The following CFAP47 variants were observed in gnomAD, a reference collection of about 807,000 sequenced individuals.
CFAP47 encodes cilia- and flagella-associated protein 47.
In CFAP47, 29 loss-of-function variants were observed where a neutral mutation model predicts 148.1. That is an observed-to-expected ratio of 0.20 (90% CI 0.15 to 0.27). The LOEUF is 0.27. CFAP47 is among the 10% of genes least tolerant of loss of function. CFAP47 has a pLI of 1.00. For missense variants in CFAP47, 1,872 were observed against 1,697.5 expected (o/e 1.10, Z -1.81); for synonymous variants, 664 against 577.3 (o/e 1.15, Z -2.15).
chrX:36,276,620 T>A (rs992619260), intron 49 of CFAP47, among the ~76,000 whole-genome samples: 7 of 112,014 alleles, frequency 6.2e-5, no homozygotes, highest in African/African-American at 2.3e-4. Context: ...GTGTCAGGTA[T>A]GTTTTGAGTC....
Position 36,071,832 on chromosome X carries a change from T to C in CFAP47, c.4326T>C (p.Asp1442=), listed in dbSNP as rs1189238488. 3 of 1,202,870 alleles carry C rather than the reference T, an allele frequency of 2.5e-6. No individual in the cohort carries two copies. Among genetic ancestry groups the C allele is most frequent in the Non-Finnish European group, 3.4e-6 (3 of 892,277 alleles). The change falls in exon 28 of 64, where the codon GAT becomes GAC. Residue 1442 remains aspartate (D), a synonymous_variant. Coordinates refer to ENST00000378653, the MANE Select transcript of CFAP47 (RefSeq NM_001304548.2). ...CCAATGTGTCATTTGTAGATAAGGATGAATATCTTAAGAAGACTAGAGATG... is the reference window on the plus strand; with the variant it reads ...CCAATGTGTCATTTGTAGATAAGGACGAATATCTTAAGAAGACTAGAGATG... ...KQNIILKNDK[D]EYLKKTRDGV...
chrX:36,230,715 G>A (rs1206729190), intron 46 of CFAP47, among the ~76,000 whole-genome samples: 2 of 109,015 alleles, frequency 1.8e-5, no homozygotes, highest in Admixed American at 9.9e-5. Context: ...TAATGCCTAG[G>A]TTTTCTTCTA....
At chrX:36,093,732 T>C (rs770054357) in intron 30 of CFAP47, among the ~76,000 whole-genome samples, 1 of 111,684 alleles carries the variant, frequency 9.0e-6, no homozygotes, top group Admixed American at 9.5e-5. Context: ...CATTTTAAAA[T>C]TGGATTTTTA....
Position 35,966,552 on chromosome X carries a change from C to CTT in CFAP47, c.1411-4_1411-3dup. 8.3e-6 allele frequency: 7 copies of CTT among 840,149 alleles called. No homozygotes were observed. The highest frequency in any genetic ancestry group is 4.5e-5 in the South Asian group (1 of 22,273). The allele number at this position is 840,149 out of a possible 1,213,427, so 69.2% of individuals were successfully genotyped here. ...CAATTTATTATTGGTTACTTTTCATCTTTTTTTTTTAGGATGTGATGTGTT... is the reference window on the plus strand; with the variant it reads ...CAATTTATTATTGGTTACTTTTCATCTTTTTTTTTTTTAGGATGTGATGTGTT... On this transcript the variant is annotated splice_polypyrimidine_tract_variant and intron_variant, in intron 8 of 63. Coordinates refer to ENST00000378653, the MANE Select transcript of CFAP47 (RefSeq NM_001304548.2).
intron 39 of CFAP47, among the ~76,000 whole-genome samples, chrX:36,163,103 G>A (rs759466580): frequency 3.6e-5 from 4 of 111,834 alleles, no homozygotes; most frequent in Non-Finnish European, 7.5e-5. Context: ...CAGATTTTCT[G>A]TTTCTTCTCA....
At chrX:36,231,921 A>C (rs782119536) in intron 46 of CFAP47, among the ~76,000 whole-genome samples, 1 of 111,049 alleles carries the variant, frequency 9.0e-6, no homozygotes, top group Admixed American at 9.6e-5. Context: ...ACATTTATTG[A>C]TTTGCGTATA....
At chrX:36,024,028 C>T (rs1937189168) in intron 22 of CFAP47, among the ~76,000 whole-genome samples, 2 of 112,110 alleles carry the variant, frequency 1.8e-5, no homozygotes, top group South Asian at 7.4e-4. Context: ...ACCCTATAGC[C>T]ACCACAGCTC....
intron 33 of CFAP47, among the ~76,000 whole-genome samples, chrX:36,115,302 C>CA (rs756818675): frequency 8.9e-6 from 1 of 111,775 alleles, no homozygotes; most frequent in South Asian, 3.7e-4. Flanking sequence ...ATCATAATCA[C>CA]AAAAATATTG....
Position 36,136,858 on chromosome X carries a change from T to G in CFAP47, c.5321-1100T>G, listed in dbSNP as rs373001483. Among the ~76,000 whole-genome samples, 16 of 111,944 alleles carry G rather than the reference T, an allele frequency of 1.4e-4. No individual in the cohort carries two copies. The East Asian group carries it at 3.7e-3, about 26-fold the overall frequency. On this transcript the variant is annotated intron_variant, in intron 33 of 63. Transcript: ENST00000378653. ...TATCAAAAATGTTATTTATAAGTTT[T>G]GATCAGGAAATAATACTTTGAAAAA...
intron 29 of CFAP47, among the ~76,000 whole-genome samples, chrX:36,075,201 TTTTATTTATTTATTTATTTA>T (rs34532797): frequency 9.4e-6 from 1 of 106,632 alleles, no homozygotes; most frequent in Non-Finnish European, 1.9e-5. Context: ...TATGTATTAT[TTTTATTTATTTATTTATTTA>T]TTTATTTATT....
rs139722562 is a variant in CFAP47 at position 36,217,478 on chromosome X, G to A, written c.6818-11150G>A. On this transcript the variant is annotated intron_variant, in intron 45 of 63. Coordinates refer to ENST00000378653, the MANE Select transcript of CFAP47 (RefSeq NM_001304548.2). ...ATGCGACTCCCCTTATTTTAAGCTT[G>A]CTTCTTACTTTAGATAACCCCAGTG... 2.0e-3 allele frequency among the ~76,000 whole-genome samples: 224 copies of A among 111,426 alleles called. 1 individual carries two copies. The highest frequency in any genetic ancestry group is 6.9e-3 in the African/African-American group (210 of 30,630).
chrX:35,924,407 A>G (rs1043527526), intron 1 of CFAP47, among the ~76,000 whole-genome samples: 3 of 101,761 alleles, frequency 2.9e-5, no homozygotes, highest in Admixed American at 1.0e-4. Flanking sequence ...ATGCACACAC[A>G]TATGTGTATA....
intron 26 of CFAP47, among the ~76,000 whole-genome samples, chrX:36,064,982 A>G (rs1937624364): frequency 1.8e-5 from 2 of 111,880 alleles, no homozygotes; most frequent in Non-Finnish European, 3.8e-5. Flanking sequence ...TTCAGTCCTC[A>G]GACACATTTA....
rs1269158187 is a variant in CFAP47, at chrX:35,926,072, C to T, written c.305C>T (p.Thr102Ile). Residue 102 changes from threonine (T) to isoleucine (I), a missense_variant, in exon 2 of 64, where the codon ACA becomes ATA. Physicochemically the swap from Thr to Ile is moderately conservative, Grantham distance 89. Coordinates refer to ENST00000378653, the MANE Select transcript of CFAP47 (RefSeq NM_001304548.2). ...DKELASGLQM[T>I]AMVEYHPDKD... is the part of the protein sequence containing the mutation. ...GAACTTGCTTCTGGCCTTCAGATGA[C>T]AGCTATGGTGGAATATCATCCTGAT... 2 of 1,203,071 alleles carry T rather than the reference C, an allele frequency of 1.7e-6. No individual in the cohort carries two copies. Among genetic ancestry groups the T allele is most frequent in the Non-Finnish European group, 2.2e-6 (2 of 889,376 alleles).
intron 2 of CFAP47, among the ~76,000 whole-genome samples, chrX:35,936,644 T>G (rs1184503666): frequency 9.0e-6 from 1 of 111,392 alleles, no homozygotes; most frequent in Non-Finnish European, 1.9e-5. Context: ...TATTTAAATC[T>G]GTTATTTTAA....
chrX:36,279,704 T>G (rs1569307155), intron 49 of CFAP47, among the ~76,000 whole-genome samples: 1 of 111,503 alleles, frequency 9.0e-6, no homozygotes, highest in African/African-American at 3.3e-5. Flanking sequence ...AACTTTTGTT[T>G]TTTTGTTTTG....
intron 33 of CFAP47, among the ~76,000 whole-genome samples, chrX:36,117,253 G>C (rs6632493): frequency 0.27 from 29,862 of 110,358 alleles, 5,502 homozygotes; most frequent in African/African-American, 0.66. Context: ...GGTTTTCCTT[G>C]TTTTGGGTAT....
chrX:36,354,610 G>A (rs781837613), intron 60 of CFAP47, among the ~76,000 whole-genome samples: 12 of 110,732 alleles, frequency 1.1e-4, no homozygotes, highest in Non-Finnish European at 2.1e-4. Flanking sequence ...AGTGATGTAA[G>A]CAACAAGGGA....
At position 36,353,641 on chromosome X, in the gene CFAP47, T is replaced by C; in HGVS notation, c.8811T>C (p.Ile2937=). The C allele has an allele frequency of 5.2e-6, 6 of 1,162,375 alleles. No individual in the cohort carries two copies. The highest frequency in any genetic ancestry group is 6.9e-6 in the Non-Finnish European group (6 of 868,936). ...LTPDLTEVLV[I]PKRNSHNFCE... ...CAGATCTGACAGAAGTTTTAGTGAT[T>C]CCAAAAAGAAATTCACATAATTTTT... The change falls in exon 60 of 64, where the codon ATT becomes ATC. Residue 2937 remains isoleucine (I), a synonymous_variant. Coordinates refer to ENST00000378653, the MANE Select transcript of CFAP47 (RefSeq NM_001304548.2).
Sources: allele counts gnomAD v4.1 joint callset (sites outside exome capture counted in the v4.1 genomes callset), GRCh38; gene constraint gnomAD v4.1.1; transcripts MANE v1.5; gene names NCBI Gene and HGNC (gene_info 2026-07-23, HGNC 2026-07-21).